The following ZHX3 variants were observed in gnomAD, a reference collection of about 807,000 sequenced individuals.
The protein encoded by ZHX3 is zinc fingers and homeoboxes protein 3.
Under a neutral mutation model 64.5 loss-of-function variants are expected in ZHX3, and 20 were observed. The observed-to-expected ratio is 0.31, with a 90% CI of 0.22 to 0.45. ZHX3 has a LOEUF of 0.45. Among genes scored for constraint, ZHX3 ranks in the 20% least tolerant of loss-of-function variants. The probability of loss-of-function intolerance (pLI) is 1.00; values close to 1 mark genes in which losing one functional copy is unlikely to be tolerated. For synonymous variants in ZHX3, 423 were observed against 461.6 expected (o/e 0.92, Z 1.07); for missense variants, 1,041 against 1,195.8 (o/e 0.87, Z 1.91).
At chr20:41,230,359 C>G (rs2146380055) in intron 2 of ZHX3, among the ~76,000 whole-genome samples, 1 of 152,220 alleles carries the variant, frequency 6.6e-6, no homozygotes, top group Admixed American at 6.5e-5. Context: ...TCTGAAAGCT[C>G]CTCTCCTCTT....
chr20:41,269,821 T>G (rs1229751530), intron 1 of ZHX3, among the ~76,000 whole-genome samples: 1 of 151,868 alleles, frequency 6.6e-6, no homozygotes, highest in Admixed American at 6.6e-5. Context: ...TAGACTCTAG[T>G]GTATCATGAC....
chr20:41,280,880 C>A (rs892342650), intron 1 of ZHX3, among the ~76,000 whole-genome samples: 2 of 149,386 alleles, frequency 1.3e-5, no homozygotes, highest in African/African-American at 2.5e-5. Context: ...ATATGTCTAA[C>A]CCTTTTTTTT....
intron 2 of ZHX3, among the ~76,000 whole-genome samples, chr20:41,235,034 C>G (rs1012251769): frequency 9.9e-5 from 15 of 152,240 alleles, no homozygotes; most frequent in African/African-American, 3.6e-4. Context: ...TTCACTTATC[C>G]CCATGCCAAA....
At chr20:41,312,939 G>T (rs1332673024) in intron 1 of ZHX3, among the ~76,000 whole-genome samples, 1 of 152,098 alleles carries the variant, frequency 6.6e-6, no homozygotes, top group Non-Finnish European at 1.5e-5. Context: ...CTAGAAGAAA[G>T]CAACAGTGGA....
At position 41,224,612 on chromosome 20, in the gene ZHX3, G is replaced by A. The variant is rs1306258435; in HGVS notation, c.-150-19546C>T. ...TTCTATTCTCCCCCTCACAGAGGAG[G>A]ACTTTGAGGTGAAGTGACCCAGTGG... On this transcript the variant is annotated intron_variant, in intron 2 of 3. Transcript: ENST00000683867. This position sits in a 1 kb window ranked among gnomAD's most constrained non-coding sequence, Gnocchi z 5.2. Among the ~76,000 whole-genome samples the A allele has an allele frequency of 6.6e-6, 1 of 152,168 alleles. No homozygotes were observed. The highest frequency in any genetic ancestry group is 2.4e-5 in the African/African-American group (1 of 41,452).
At position 41,178,641 on chromosome 20, in the gene ZHX3, G is replaced by A. The variant is rs926539211; in HGVS notation, c.*6550C>T. 9 of 152,658 alleles carry A rather than the reference G, an allele frequency of 5.9e-5. No homozygotes were observed. The highest frequency in any genetic ancestry group is 5.9e-4 in the Admixed American group (9 of 15,288). The allele number at this position is 152,658 out of a possible 1,614,324, so 9.5% of individuals were successfully genotyped here. Reference sequence around the variant, plus strand: ...CCCACAGGGGACCTCGTGAGGCCTGGAGATTCAGCCCCAAGAGGGCAACCC... The same window carrying A: ...CCCACAGGGGACCTCGTGAGGCCTGAAGATTCAGCCCCAAGAGGGCAACCC... On this transcript the variant is annotated 3_prime_UTR_variant, in exon 4 of 4. Transcript: ENST00000683867.
intron 2 of ZHX3, among the ~76,000 whole-genome samples, chr20:41,240,558 G>A (rs1467299240): frequency 4.6e-5 from 7 of 152,018 alleles, no homozygotes; most frequent in South Asian, 2.1e-4. Context: ...GTAAATGTAC[G>A]ATTATTTTCT....
intron 3 of ZHX3, chr20:41,197,294 TTA>T (rs1204231843): frequency 3.4e-5 from 5 of 145,978 alleles, no homozygotes; most frequent in Non-Finnish European, 7.6e-5. Context: ...CATATATATT[TTA>T]TATATAATTG....
At chr20:41,222,964 A>T (rs953009541) in intron 2 of ZHX3, among the ~76,000 whole-genome samples, 2 of 151,850 alleles carry the variant, frequency 1.3e-5, no homozygotes, top group African/African-American at 4.8e-5. Context: ...ACCACTGTGG[A>T]TAAGATGTTC....
In ZHX3 at chr20:41,212,193, T is replaced by C. The variant is rs570071911; in HGVS notation, c.-150-7127A>G. ...ATATAAATAACTTACAACTCAACCATAGAAAGATAATTTTTAAACGGGTAA... is the reference window on the plus strand; with the variant it reads ...ATATAAATAACTTACAACTCAACCACAGAAAGATAATTTTTAAACGGGTAA... On this transcript the variant is annotated intron_variant, in intron 2 of 3. Transcript: ENST00000683867. This position sits in a 1 kb window ranked among gnomAD's most constrained non-coding sequence, Gnocchi z 4.3. 1.3e-5 allele frequency among the ~76,000 whole-genome samples: 2 copies of C among 152,168 alleles called. No individual in the cohort carries two copies. The highest frequency in any genetic ancestry group is 6.6e-5 in the Admixed American group (1 of 15,266).
chr20:41,249,818 G>C (rs1412995122), intron 2 of ZHX3, among the ~76,000 whole-genome samples: 2 of 152,174 alleles, frequency 1.3e-5, no homozygotes, highest in African/African-American at 4.8e-5. Context: ...GAAAAAGGAA[G>C]GTGAATTACT....
intron 2 of ZHX3, among the ~76,000 whole-genome samples, chr20:41,237,631 G>A (rs1317121384): frequency 6.6e-6 from 1 of 152,222 alleles, no homozygotes; most frequent in East Asian, 1.9e-4. Flanking sequence ...GAGGAGTGGG[G>A]AGGGATAGCA....
chr20:41,313,176 G>T lies in ZHX3; in HGVS notation c.-245+4333C>A, dbSNP rs575795869. On this transcript the variant is annotated intron_variant, in intron 1 of 3. Coordinates refer to ENST00000683867, the MANE Select transcript of ZHX3 (RefSeq NM_001384317.1). ...GTACTAACTAACAGTGAGACGGAAG[G>T]CTGAAGGGGAGAGTAAGGAAGGGTC... is the stretch of plus-strand genomic sequence containing the variant. Among the ~76,000 whole-genome samples the T allele has an allele frequency of 1.8e-3, 271 of 152,332 alleles. 1 individual carries two copies. The highest frequency in any genetic ancestry group is 3.4e-3 in the Middle Eastern group (1 of 294).
rs2036229173 is a variant in ZHX3, at chr20:41,180,950, G to T, written c.*4241C>A. 1 of 152,246 alleles carries T rather than the reference G, an allele frequency of 6.6e-6. No individual in the cohort carries two copies. The highest frequency in any genetic ancestry group is 2.1e-4 in the South Asian group (1 of 4,832). The allele number at this position is 152,246 out of a possible 1,614,324, so 9.4% of individuals were successfully genotyped here. On this transcript the variant is annotated 3_prime_UTR_variant, in exon 4 of 4. Transcript: ENST00000683867. ...GAGGTTGAAGCCTTGCTTGGGGAAG[G>T]GACTTGAGCACAGGAGAAAGGCTTG...
rs1295824230 is a variant in ZHX3 at position 41,277,876 on chromosome 20, C to T, written c.-244-8793G>A. Among the ~76,000 whole-genome samples, 6 of 137,922 alleles carry T rather than the reference C, an allele frequency of 4.4e-5. 2 individuals are homozygous for T. Among genetic ancestry groups the T allele is most frequent in the Non-Finnish European group, 9.5e-5 (6 of 63,364 alleles). 90.5% of individuals were successfully genotyped at this position (137,922 alleles called of 152,430 possible). ...AAAGTGCTGAGATTACAGGCGTGAGCCACCACGCCCGGCCCCCTCCATGTC... is the reference window on the plus strand; with the variant it reads ...AAAGTGCTGAGATTACAGGCGTGAGTCACCACGCCCGGCCCCCTCCATGTC... On this transcript the variant is annotated intron_variant, in intron 1 of 3. Transcript: ENST00000683867.
chr20:41,249,997 A>G (rs73123210), intron 2 of ZHX3, among the ~76,000 whole-genome samples: 1 of 152,288 alleles, frequency 6.6e-6, no homozygotes, highest in Non-Finnish European at 1.5e-5. Flanking sequence ...TGGAAGCACC[A>G]ACAAGGGGGA....
At chr20:41,199,383 G>C (rs1307200433) in intron 3 of ZHX3, among the ~76,000 whole-genome samples, 11 of 152,152 alleles carry the variant, frequency 7.2e-5, no homozygotes, top group Admixed American at 6.5e-4. Context: ...ATGCCTCAGA[G>C]ATTGCTGATT....
Position 41,203,504 on chromosome 20 carries a change from C to T in ZHX3, c.1413G>A (p.Lys471=). 6.2e-7 allele frequency: 1 copy of T among 1,614,208 alleles called. No individual in the cohort carries two copies. Among genetic ancestry groups the T allele is most frequent in the Non-Finnish European group, 8.5e-7 (1 of 1,180,024 alleles). ...TVCSNTTSAV[K]VVNAAQSLLT... ...GGAGCGACTGGGCCGCATTGACCAC[C>T]TTCACAGCTGACGTTGTATTTGAAC... The change falls in exon 3 of 4, where the codon AAG becomes AAA. Residue 471 remains lysine, a synonymous_variant. Coordinates refer to ENST00000683867, the MANE Select transcript of ZHX3 (RefSeq NM_001384317.1). The surrounding 1 kb of genome is among the most constrained non-coding windows in gnomAD (Gnocchi z 7.1).
intron 2 of ZHX3, among the ~76,000 whole-genome samples, chr20:41,223,059 A>T (rs1320669929): frequency 6.6e-6 from 1 of 152,222 alleles, no homozygotes; most frequent in Non-Finnish European, 1.5e-5. Flanking sequence ...TACACACAAG[A>T]AAAAATGCTC....
Sources: allele counts gnomAD v4.1 joint callset (sites outside exome capture counted in the v4.1 genomes callset), GRCh38; gene constraint gnomAD v4.1.1; non-coding constraint Gnocchi (gnomAD v3.1); transcripts MANE v1.5; gene names NCBI Gene and HGNC (gene_info 2026-07-23, HGNC 2026-07-21).